The following ANK1 variants were observed in gnomAD, a reference collection of about 807,000 sequenced individuals.
ANK1 encodes ankyrin 1.
ANK1 carries 51 observed loss-of-function variants against 210.4 expected under a neutral mutation model. The observed-to-expected ratio is 0.24, with a 90% CI of 0.19 to 0.31. ANK1 has a LOEUF of 0.31. Among genes scored for constraint, ANK1 ranks in the 10% least tolerant of loss-of-function variants. The pLI is 1.00. For missense variants in ANK1, 2,051 were observed against 2,504.4 expected (o/e 0.82, Z 3.86); for synonymous variants, 967 against 1,025.9 (o/e 0.94, Z 1.10).
At chr8:41,842,832 T>G (rs1809220829) in intron 1 of ANK1, among the ~76,000 whole-genome samples, 1 of 152,082 alleles carries the variant, frequency 6.6e-6, no homozygotes, top group Non-Finnish European at 1.5e-5. Flanking sequence ...ACTGAACACA[T>G]TTTTGGGGGG....
chr8:41,674,495 C>T (rs970753144), intron 37 of ANK1, among the ~76,000 whole-genome samples: 1 of 152,218 alleles, frequency 6.6e-6, no homozygotes, highest in Non-Finnish European at 1.5e-5. Flanking sequence ...GCCTTCCTCG[C>T]CCCACCCTTT....
chr8:41,825,317 G>A (rs918563092), intron 1 of ANK1, among the ~76,000 whole-genome samples: 8 of 152,236 alleles, frequency 5.3e-5, no homozygotes, highest in Non-Finnish European at 2.9e-5. Context: ...TTCTATGAAT[G>A]TAAATGATCA....
chr8:41,855,479 G>A (rs1812027164), intron 1 of ANK1, among the ~76,000 whole-genome samples: 1 of 152,224 alleles, frequency 6.6e-6, no homozygotes, highest in African/African-American at 2.4e-5. Flanking sequence ...CATGTTTAGA[G>A]AGGATTTTTC....
At chr8:41,663,112 C>CTGTG (rs763969947) in intron 40 of ANK1, among the ~76,000 whole-genome samples, 2,080 of 129,518 alleles carry the variant, frequency 0.016, 16 homozygotes, top group Non-Finnish European at 0.024. Flanking sequence ...CTCTCTCTCT[C>CTGTG]TCTGTGTGTG....
intron 1 of ANK1, among the ~76,000 whole-genome samples, chr8:41,803,046 A>G (rs1359216550): frequency 2.6e-5 from 2 of 77,816 alleles, no homozygotes; most frequent in African/African-American, 1.1e-4. Flanking sequence ...AGAAAGAGAA[A>G]GAAAGAAAGA....
chr8:41,823,619 C>T (rs1804849316), intron 1 of ANK1, among the ~76,000 whole-genome samples: 1 of 151,502 alleles, frequency 6.6e-6, no homozygotes, highest in African/African-American at 2.4e-5. Context: ...AAAAAATTAG[C>T]CGGGCATGGT....
At chr8:41,822,074 G>T (rs375991150) in intron 1 of ANK1, among the ~76,000 whole-genome samples, 1 of 15,318 alleles carries the variant, frequency 6.5e-5, no homozygotes, top group Non-Finnish European at 1.3e-4. Flanking sequence ...AAGAGAGAGA[G>T]AGAGAGAGAG....
chr8:41,805,064 CTG>C (rs35873178), intron 1 of ANK1, among the ~76,000 whole-genome samples: 17 of 147,956 alleles, frequency 1.1e-4, no homozygotes, highest in Non-Finnish European at 1.4e-4. Context: ...TTCTTTCTCT[CTG>C]TGTGTGTGTG....
At position 41,714,184 on chromosome 8, in the gene ANK1, CG is replaced by C; in HGVS notation, c.1771del (p.Arg591GlyfsTer46). The C allele has an allele frequency of 6.8e-7, 1 of 1,461,570 alleles. No individual in the cohort carries two copies. Among genetic ancestry groups the C allele is most frequent in the South Asian group, 1.6e-5 (1 of 63,142 alleles). The allele number at this position is 1,461,570 out of a possible 1,614,324, so 90.5% of individuals were successfully genotyped here. ...NLDIVKLLLPRGGSPHSPAWN... is the reference protein window; with the variant it reads ...NLDIVKLLLPXGGSPHSPAWN... ...GGCAGGGCTGTGCGGGGAGCCGCCC[CG>C]GGGAAGCAGCAGCTTGACGATGTCC... On this transcript the variant is annotated frameshift_variant, in exon 16 of 43. Transcript: ENST00000289734. LOFTEE classifies it high-confidence loss of function.
chr8:41,669,446 G>A (rs1277885038), intron 38 of ANK1, among the ~76,000 whole-genome samples: 2 of 151,948 alleles, frequency 1.3e-5, no homozygotes, highest in Non-Finnish European at 2.9e-5. Flanking sequence ...GCAGGCACAC[G>A]CCACCACGTC....
At chr8:41,852,800 A>G (rs185653394) in intron 1 of ANK1, among the ~76,000 whole-genome samples, 42 of 152,200 alleles carry the variant, frequency 2.8e-4, no homozygotes, top group Admixed American at 2.7e-3. Context: ...CCTCTCCCCA[A>G]CCCGCTGAGT....
intron 37 of ANK1, among the ~76,000 whole-genome samples, chr8:41,679,590 T>G: frequency 9.4e-6 from 1 of 106,880 alleles, no homozygotes. Context: ...TGAGACAGAG[T>G]CTCACTCTGT....
At chr8:41,735,887 C>T (rs1833292393) in intron 2 of ANK1, among the ~76,000 whole-genome samples, 1 of 152,182 alleles carries the variant, frequency 6.6e-6, no homozygotes, top group Admixed American at 6.5e-5. Flanking sequence ...ACATTACCTA[C>T]CTCCTATTTA....
intron 1 of ANK1, among the ~76,000 whole-genome samples, chr8:41,804,649 T>C (rs1426670195): frequency 1.2e-4 from 18 of 152,250 alleles, no homozygotes; most frequent in South Asian, 2.1e-4. Flanking sequence ...ATTACTGATT[T>C]ACTTTATTTC....
intron 39 of ANK1, among the ~76,000 whole-genome samples, chr8:41,666,055 G>C (rs1262723274): frequency 3.3e-5 from 5 of 152,198 alleles, no homozygotes; most frequent in Admixed American, 6.5e-5. Flanking sequence ...CACAGATCTG[G>C]GACACAGCAG....
At chr8:41,697,168 C>A (rs1326130659) in intron 24 of ANK1, among the ~76,000 whole-genome samples, 1 of 152,246 alleles carries the variant, frequency 6.6e-6, no homozygotes, top group Non-Finnish European at 1.5e-5. Flanking sequence ...CATCCCAGCA[C>A]CGTGACCGCC....
intron 42 of ANK1, among the ~76,000 whole-genome samples, chr8:41,659,977 G>A (rs1372683817): frequency 1.3e-5 from 2 of 152,084 alleles, no homozygotes; most frequent in African/African-American, 4.8e-5. Context: ...GAAATTTAAA[G>A]CCACAGCCGC....
At chr8:41,869,590 A>T (rs910466781) in intron 1 of ANK1, among the ~76,000 whole-genome samples, 1 of 152,168 alleles carries the variant, frequency 6.6e-6, no homozygotes, top group Non-Finnish European at 1.5e-5. Context: ...ATTTAAAAAA[A>T]AGAAAGGAAA....
At chr8:41,843,267 G>T (rs1809352996) in intron 1 of ANK1, among the ~76,000 whole-genome samples, 1 of 152,136 alleles carries the variant, frequency 6.6e-6, no homozygotes, top group Non-Finnish European at 1.5e-5. Flanking sequence ...TCAAGTCAAG[G>T]TATTCCTGTG....
Sources: gnomAD v4.1 joint callset for allele counts (sites outside exome capture counted in the v4.1 genomes callset) on GRCh38, gnomAD v4.1.1 for gene constraint, MANE v1.5 for transcripts, NCBI Gene and HGNC (gene_info 2026-07-23, HGNC 2026-07-21) for gene names.